GALNT1: variants seen among roughly 807,000 people sequenced by gnomAD.
The protein encoded by GALNT1 is polypeptide N-acetylgalactosaminyltransferase 1.
A neutral mutation model predicts 65.7 loss-of-function variants in GALNT1; 17 were observed. The observed-to-expected ratio is 0.26, with a 90% CI of 0.18 to 0.39. The LOEUF is 0.39. Ranked by LOEUF, GALNT1 falls within the 10% of genes least tolerant of loss-of-function variation. The pLI, the probability that GALNT1 is intolerant of heterozygous loss-of-function variation, is 1.00. For synonymous variants in GALNT1, 210 were observed against 219.7 expected (o/e 0.96, Z 0.39); for missense variants, 460 against 672.8 (o/e 0.68, Z 3.50).
intron 11 of GALNT1, among the ~76,000 whole-genome samples, chr18:35,708,095 C>T (rs890493181): frequency 2.0e-5 from 3 of 152,046 alleles, no homozygotes; most frequent in African/African-American, 7.2e-5. Flanking sequence ...TTTTTGTCCC[C>T]ATTTTATAGA....
intron 1 of GALNT1, among the ~76,000 whole-genome samples, chr18:35,586,773 C>T (rs2046382828): frequency 6.6e-6 from 1 of 152,146 alleles, no homozygotes; most frequent in African/African-American, 2.4e-5. Context: ...AGACTGATTC[C>T]TCCTACACTT....
At chr18:35,697,287 T>G (rs374711697) in intron 9 of GALNT1, among the ~76,000 whole-genome samples, 1 of 152,174 alleles carries the variant, frequency 6.6e-6, no homozygotes, top group African/African-American at 2.4e-5. Context: ...TATAGCAGTG[T>G]TTTTAATTCT....
intron 1 of GALNT1, among the ~76,000 whole-genome samples, chr18:35,650,654 A>C (rs1379660728): frequency 1.3e-5 from 2 of 152,308 alleles, no homozygotes; most frequent in African/African-American, 4.8e-5. Flanking sequence ...CCTTGCTGAG[A>C]GAAAGAATTC....
At chr18:35,668,254 T>TG in intron 3 of GALNT1, among the ~76,000 whole-genome samples, 1 of 151,970 alleles carries the variant, frequency 6.6e-6, no homozygotes, top group East Asian at 1.9e-4. Flanking sequence ...CAAAAGTTCA[T>TG]GGGAAAAAAT....
chr18:35,630,600 A>G (rs1198205914), intron 1 of GALNT1, among the ~76,000 whole-genome samples: 1 of 152,240 alleles, frequency 6.6e-6, no homozygotes, highest in African/African-American at 2.4e-5. Flanking sequence ...AAGAGAAAGC[A>G]GGAAAGATCC....
At chr18:35,634,174 A>T (rs2047059587) in intron 1 of GALNT1, among the ~76,000 whole-genome samples, 1 of 151,258 alleles carries the variant, frequency 6.6e-6, no homozygotes, top group Non-Finnish European at 1.5e-5. Context: ...TCATTTTCTC[A>T]TTTAGTTTAG....
chr18:35,593,631 AC>A (rs2046471068), intron 1 of GALNT1, among the ~76,000 whole-genome samples: 2 of 152,046 alleles, frequency 1.3e-5, no homozygotes, highest in African/African-American at 4.8e-5. Flanking sequence ...CTAATCACCT[AC>A]TAGGATTTTG....
In GALNT1 at chr18:35,683,502, C is replaced by T. The variant is rs1205844059; in HGVS notation, c.593C>T (p.Ala198Val). ...GLIRARLKGA[A>V]VSKGQVITFL... ...ATCAGAGCTAGATTAAAAGGAGCTG[C>T]TGTGTCTAAAGGCCAAGTGATCACC... Residue 198 changes from alanine to valine, a missense_variant, in exon 5 of 12, where the codon GCT becomes GTT. Physicochemically the swap from Ala to Val is moderately conservative, Grantham distance 64 (BLOSUM62 0). Transcript: ENST00000269195. 3.1e-6 allele frequency: 5 copies of T among 1,613,790 alleles called. No individual in the cohort carries two copies. Among genetic ancestry groups the T allele is most frequent in the Non-Finnish European group, 4.2e-6 (5 of 1,179,836 alleles).
At chr18:35,700,862 GA>G (rs2048150539) in intron 9 of GALNT1, among the ~76,000 whole-genome samples, 1 of 152,124 alleles carries the variant, frequency 6.6e-6, no homozygotes, top group Non-Finnish European at 1.5e-5. Flanking sequence ...ATATGAGAGC[GA>G]GAGAAGCTGA....
At chr18:35,679,955 TA>T (rs2144589756) in intron 4 of GALNT1, among the ~76,000 whole-genome samples, 1 of 152,260 alleles carries the variant, frequency 6.6e-6, no homozygotes, top group East Asian at 1.9e-4. Context: ...CACATACTCT[TA>T]CCCCCTCCCA....
intron 1 of GALNT1, among the ~76,000 whole-genome samples, chr18:35,622,113 T>C (rs1568017295): frequency 6.6e-6 from 1 of 152,228 alleles, no homozygotes; most frequent in Admixed American, 6.5e-5. Flanking sequence ...AGATTTTGAT[T>C]GGAACTATAG....
intron 2 of GALNT1, among the ~76,000 whole-genome samples, chr18:35,658,492 T>C (rs1006152220): frequency 1.1e-4 from 17 of 152,026 alleles, no homozygotes; most frequent in African/African-American, 3.9e-4. Flanking sequence ...GTTTGAAAAA[T>C]CTGCTTTGAT....
chr18:35,668,923 T>A (rs1568028367), intron 3 of GALNT1, among the ~76,000 whole-genome samples: 1 of 152,230 alleles, frequency 6.6e-6, no homozygotes, highest in Non-Finnish European at 1.5e-5. Flanking sequence ...GTTCTATAGC[T>A]ATTAAGTAGA....
intron 1 of GALNT1, among the ~76,000 whole-genome samples, chr18:35,599,021 G>T (rs2143935506): frequency 7.5e-6 from 1 of 133,042 alleles, no homozygotes; most frequent in Non-Finnish European, 1.6e-5. Context: ...TGTACGTGTT[G>T]GCTATTTGTA....
chr18:35,626,188 T>A (rs1475687417), intron 1 of GALNT1, among the ~76,000 whole-genome samples: 1 of 152,212 alleles, frequency 6.6e-6, no homozygotes, highest in Non-Finnish European at 1.5e-5. Flanking sequence ...AGACTTAAAC[T>A]GTGAAATGAC....
chr18:35,608,645 A>C (rs2046680189), intron 1 of GALNT1, among the ~76,000 whole-genome samples: 2 of 152,244 alleles, frequency 1.3e-5, no homozygotes, highest in Non-Finnish European at 2.9e-5. Context: ...TGTAGACACA[A>C]AAGAAAGACA....
At chr18:35,650,862 G>A (rs372630904) in intron 1 of GALNT1, among the ~76,000 whole-genome samples, 6 of 151,998 alleles carry the variant, frequency 3.9e-5, no homozygotes, top group Non-Finnish European at 7.4e-5. Flanking sequence ...GTCCTGAGGC[G>A]ACATTCATTC....
At chr18:35,690,975 C>T (rs761992537) in intron 7 of GALNT1, 37 bp from the exon 8 acceptor site, 2 of 1,498,222 alleles carry the variant, frequency 1.3e-6, no homozygotes, top group South Asian at 1.4e-5. Context: ...CCTGATTACT[C>T]AGCTACATGT....
chr18:35,630,000 G>C (rs1043294999), intron 1 of GALNT1, among the ~76,000 whole-genome samples: 1 of 152,054 alleles, frequency 6.6e-6, no homozygotes, highest in Non-Finnish European at 1.5e-5. Flanking sequence ...TCAACAAGAA[G>C]AGCTATCTTA....
Sources: allele counts gnomAD v4.1 joint callset (sites outside exome capture counted in the v4.1 genomes callset), GRCh38; gene constraint gnomAD v4.1.1; transcripts MANE v1.5; gene names NCBI Gene and HGNC (gene_info 2026-07-23, HGNC 2026-07-21).